Variants in SGCD observed in about 807,000 individuals in gnomAD.
SGCD encodes delta-sarcoglycan.
In SGCD, 18 loss-of-function variants were observed where a neutral mutation model predicts 36.6. That is an observed-to-expected ratio of 0.49 (90% CI 0.34 to 0.73). SGCD has a LOEUF of 0.73. SGCD is among the 30% of genes least tolerant of loss of function. SGCD has a pLI of 0.01. For synonymous variants in SGCD, 133 were observed against 130.6 expected (o/e 1.02, Z -0.12); for missense variants, 387 against 346.7 (o/e 1.12, Z -0.92).
At chr5:156,516,000 T>C (rs1159124948) in intron 4 of SGCD, among the ~76,000 whole-genome samples, 1 of 152,226 alleles carries the variant, frequency 6.6e-6, no homozygotes. Context: ...AGCCAGAGGT[T>C]TACAGACCGA....
At chr5:155,759,811 C>A in the SGCD span, among the ~76,000 whole-genome samples, 1 of 152,186 alleles carries the variant, frequency 6.6e-6, no homozygotes, top group Non-Finnish European at 1.5e-5. Flanking sequence ...GTATTGACCT[C>A]CAAATCTTAG....
At position 156,423,432 on chromosome 5, in the gene SGCD, TATA is replaced by T. The variant is rs1296533685; in HGVS notation, c.192+78759_192+78761del. Among the ~76,000 whole-genome samples, 18 of 123,938 alleles carry T rather than the reference TATA, an allele frequency of 1.5e-4. 1 individual carries two copies. The East Asian group carries it at 2.7e-3, about 19-fold the overall frequency. 81.3% of individuals were successfully genotyped at this position (123,938 alleles called of 152,430 possible). ...TATAATATATTATATTTTAATAAAA[TATA>T]ATATATTTATTTTATTATAATATAT... is the stretch of plus-strand genomic sequence containing the variant. On this transcript the variant is annotated intron_variant, in intron 3 of 8. Transcript: ENST00000337851.
At chr5:156,534,367 C>G (rs1758009646) in intron 4 of SGCD, among the ~76,000 whole-genome samples, 1 of 152,190 alleles carries the variant, frequency 6.6e-6, no homozygotes, top group African/African-American at 2.4e-5. Flanking sequence ...ATTTCCTAAT[C>G]TACCCTCAGC....
At chr5:155,760,053 A>G in the SGCD span, among the ~76,000 whole-genome samples, 1 of 152,064 alleles carries the variant, frequency 6.6e-6, no homozygotes, top group East Asian at 1.9e-4. Flanking sequence ...TTATCTCACC[A>G]TTGTTATCAT....
intron 3 of SGCD, among the ~76,000 whole-genome samples, chr5:156,298,006 G>A (rs1766945361): frequency 6.6e-6 from 1 of 151,430 alleles, no homozygotes; most frequent in South Asian, 2.1e-4. Context: ...TTAGTTTTCA[G>A]CTTGCCCAAA....
At chr5:156,640,235 T>C (rs1762979513) in intron 6 of SGCD, among the ~76,000 whole-genome samples, 1 of 152,142 alleles carries the variant, frequency 6.6e-6, no homozygotes, top group African/African-American at 2.4e-5. Flanking sequence ...ATACTAGATA[T>C]CCGTTTATGT....
chr5:155,939,101 G>T (rs1757272968), intron 1 of SGCD, among the ~76,000 whole-genome samples: 1 of 152,154 alleles, frequency 6.6e-6, no homozygotes, highest in Non-Finnish European at 1.5e-5. Flanking sequence ...AAGAATTCCA[G>T]TTAGGAGGAA....
intron 3 of SGCD, among the ~76,000 whole-genome samples, chr5:156,213,632 G>A (rs77628290): frequency 0.021 from 3,171 of 152,066 alleles, 110 homozygotes; most frequent in African/African-American, 0.068. Context: ...CAGCATTACC[G>A]TGATATTAAA....
intron 3 of SGCD, among the ~76,000 whole-genome samples, chr5:156,229,813 C>T (rs569065747): frequency 2.9e-4 from 44 of 152,176 alleles, no homozygotes; most frequent in Admixed American, 7.9e-4. Flanking sequence ...TAGGTTTGGT[C>T]GTTTAACATA....
At chr5:156,406,780 A>G (rs2127766370) in intron 3 of SGCD, among the ~76,000 whole-genome samples, 1 of 131,094 alleles carries the variant, frequency 7.6e-6, no homozygotes, top group East Asian at 2.3e-4. Flanking sequence ...GACAGAACTA[A>G]TAGGAGATTT....
chr5:156,205,893 C>T (rs1031792051), intron 3 of SGCD, among the ~76,000 whole-genome samples: 3 of 151,418 alleles, frequency 2.0e-5, no homozygotes, highest in Admixed American at 6.6e-5. Flanking sequence ...CTTAAGCATC[C>T]CTAGACCTCT....
intron 6 of SGCD, among the ~76,000 whole-genome samples, chr5:156,609,391 G>A (rs1761663751): frequency 6.6e-6 from 1 of 152,202 alleles, no homozygotes; most frequent in Non-Finnish European, 1.5e-5. Flanking sequence ...CTTCTGGCTT[G>A]TAGAGTTTCT....
At chr5:156,629,475 T>C (rs1431671184) in intron 6 of SGCD, among the ~76,000 whole-genome samples, 1 of 152,232 alleles carries the variant, frequency 6.6e-6, no homozygotes, top group Non-Finnish European at 1.5e-5. Flanking sequence ...AGTACTTTTC[T>C]GCAATTAGAA....
chr5:156,615,438 T>C (rs1761983455), intron 6 of SGCD, among the ~76,000 whole-genome samples: 1 of 152,242 alleles, frequency 6.6e-6, no homozygotes. Flanking sequence ...CTATTTAAAT[T>C]AGCATAAGAC....
chr5:156,211,134 A>G (rs1764429031), intron 3 of SGCD, among the ~76,000 whole-genome samples: 1 of 152,170 alleles, frequency 6.6e-6, no homozygotes, highest in Non-Finnish European at 1.5e-5. Flanking sequence ...ACAGGACAAG[A>G]AACGTTGGAT....
intron 1 of SGCD, among the ~76,000 whole-genome samples, chr5:156,087,436 C>T (rs1188518439): frequency 2.0e-5 from 3 of 151,814 alleles, no homozygotes; most frequent in South Asian, 2.1e-4. Flanking sequence ...GTCAGGAGTT[C>T]GAGACCAGCC....
intron 3 of SGCD, among the ~76,000 whole-genome samples, chr5:156,137,020 G>A (rs1344349865): frequency 6.6e-6 from 1 of 152,210 alleles, no homozygotes; most frequent in Non-Finnish European, 1.5e-5. Context: ...AGCAAAAGTT[G>A]AATGTTGGCC....
At chr5:155,918,409 A>G (rs920676703) in intron 1 of SGCD, among the ~76,000 whole-genome samples, 3 of 152,102 alleles carry the variant, frequency 2.0e-5, no homozygotes, top group Non-Finnish European at 4.4e-5. Flanking sequence ...CTAAAAATAC[A>G]AAAATTATCC....
chr5:155,911,321 A>G (rs112549855), intron 1 of SGCD, among the ~76,000 whole-genome samples: 2,515 of 69,694 alleles, frequency 0.036, 40 homozygotes, highest in African/African-American at 0.07. Context: ...GTGTGTGTGT[A>G]TATATATATA....
Sources: allele counts gnomAD v4.1 joint callset (sites outside exome capture counted in the v4.1 genomes callset), GRCh38; gene constraint gnomAD v4.1.1; transcripts MANE v1.5; gene names NCBI Gene and HGNC (gene_info 2026-07-23, HGNC 2026-07-21).